The following FOXP2 variants were observed in gnomAD, a reference collection of about 807,000 sequenced individuals.
The protein encoded by FOXP2 is forkhead box protein P2.
In FOXP2, 12 loss-of-function variants were observed where a neutral mutation model predicts 115.8. The ratio of observed to expected loss-of-function variants is 0.10; its 90% CI spans 0.07 to 0.17. FOXP2 has a LOEUF of 0.17. FOXP2 is among the 10% of genes least tolerant of loss of function. The pLI is 1.00. For missense variants in FOXP2, 629 were observed against 843.5 expected (o/e 0.75, Z 3.15); for synonymous variants, 328 against 297.7 (o/e 1.10, Z -1.05).
intron 2 of FOXP2, among the ~76,000 whole-genome samples, chr7:114,374,146 C>T (rs2129190117): frequency 6.6e-6 from 1 of 152,154 alleles, no homozygotes; most frequent in Admixed American, 6.5e-5. Context: ...CTTTCATATG[C>T]CAGGCAAATT....
intron 2 of FOXP2, among the ~76,000 whole-genome samples, chr7:114,318,109 G>GA (rs1455777917): frequency 5.9e-5 from 9 of 152,146 alleles, no homozygotes; most frequent in Admixed American, 2.0e-4. Context: ...TTTCTCATTA[G>GA]AAAAAATTCT....
rs886204094 is a variant in FOXP2, at chr7:114,164,712, C to T, written c.-102+1624C>T. 3.3e-5 allele frequency among the ~76,000 whole-genome samples: 5 copies of T among 152,260 alleles called. 1 individual carries two copies. The highest frequency in any genetic ancestry group is 3.3e-4 in the Admixed American group (5 of 15,282). On this transcript the variant is annotated intron_variant, in intron 1 of 17. Transcript: ENST00000634411. ...ATACTACAAACCTTACCATTCTTTT[C>T]ACTAACGTGAAACAGCTTTTCTTCT... is the stretch of plus-strand genomic sequence containing the variant.
intron 2 of FOXP2, among the ~76,000 whole-genome samples, chr7:114,402,092 A>G (rs569459002): frequency 6.6e-6 from 1 of 152,342 alleles, no homozygotes; most frequent in African/African-American, 2.4e-5. Flanking sequence ...ACTGCACTCC[A>G]GCCTATGCAA....
intron 2 of FOXP2, among the ~76,000 whole-genome samples, chr7:114,436,448 G>A (rs1368349262): frequency 1.3e-5 from 2 of 149,574 alleles, no homozygotes; most frequent in Non-Finnish European, 3.0e-5. Context: ...GTCTAGCAAA[G>A]TGCCTAAATA....
chr7:114,666,451 G>C (rs2129343665), intron 16 of FOXP2: 1 of 152,134 alleles, frequency 6.6e-6, no homozygotes, highest in East Asian at 1.9e-4. Context: ...AAAGTTCTAA[G>C]ATGCTTGTAC....
chr7:114,228,421 G>A lies in FOXP2; in HGVS notation c.-101-59598G>A, dbSNP rs527596929. The stretch of plus-strand genomic sequence containing the variant: ...TGAAAGAAGACAGGGAATCCCATAA[G>A]GCACAGGGTTTAATAGTGGTGCCTT... On this transcript the variant is annotated intron_variant, in intron 1 of 17. Coordinates refer to the FOXP2 transcript ENST00000634411. Among the ~76,000 whole-genome samples the A allele has an allele frequency of 2.6e-5, 4 of 152,082 alleles. No individual in the cohort carries two copies. The South Asian group carries it at 8.3e-4, about 31-fold the overall frequency.
intron 2 of FOXP2, among the ~76,000 whole-genome samples, chr7:114,467,600 C>T (rs1237110599): frequency 1.3e-5 from 2 of 152,148 alleles, no homozygotes; most frequent in Non-Finnish European, 2.9e-5. Flanking sequence ...TTACTGCCTT[C>T]CCGGTTGTTG....
At chr7:114,584,147 C>A (rs1802007411) in intron 3 of FOXP2, among the ~76,000 whole-genome samples, 1 of 152,090 alleles carries the variant, frequency 6.6e-6, no homozygotes, top group South Asian at 2.1e-4. Flanking sequence ...AGTCAAGATC[C>A]AAACTCAGGG....
intron 1 of FOXP2, among the ~76,000 whole-genome samples, chr7:114,187,002 C>A (rs929495277): frequency 1.3e-5 from 2 of 152,174 alleles, no homozygotes; most frequent in African/African-American, 4.8e-5. Context: ...TGCCGTCAAG[C>A]ATGTGATGGG....
At chr7:114,558,109 G>A (rs971210131) in intron 3 of FOXP2, among the ~76,000 whole-genome samples, 15 of 152,022 alleles carry the variant, frequency 9.9e-5, no homozygotes, top group African/African-American at 3.4e-4. Context: ...ACCCAGCCCT[G>A]ACTTTTAATA....
At chr7:114,665,504 G>T (rs1256414602) in intron 16 of FOXP2, 1 of 151,792 alleles carries the variant, frequency 6.6e-6, no homozygotes, top group Non-Finnish European at 1.5e-5. Flanking sequence ...CTTTCACAGG[G>T]TATTATTTTT....
At chr7:114,323,702 G>T (rs1424764455) in intron 2 of FOXP2, among the ~76,000 whole-genome samples, 4 of 151,746 alleles carry the variant, frequency 2.6e-5, no homozygotes, top group Non-Finnish European at 5.9e-5. Context: ...CTTGGAAGTT[G>T]GTTTTATTTA....
upstream of FOXP2, among the ~76,000 whole-genome samples, chr7:114,161,047 C>G (rs1443343373): frequency 6.6e-6 from 1 of 152,086 alleles, no homozygotes; most frequent in Non-Finnish European, 1.5e-5. Context: ...AAAAGCTTCC[C>G]TAAAGGAATG....
intron 1 of FOXP2, among the ~76,000 whole-genome samples, chr7:114,114,428 T>G (rs923301206): frequency 6.6e-6 from 1 of 152,060 alleles, no homozygotes; most frequent in African/African-American, 2.4e-5. Context: ...ACAGATTTTC[T>G]GAAGCATCAC....
chr7:114,441,648 C>T (rs142482037), intron 2 of FOXP2, among the ~76,000 whole-genome samples: 51 of 152,146 alleles, frequency 3.4e-4, no homozygotes, highest in African/African-American at 1.1e-3. Flanking sequence ...ATATAAAGAG[C>T]ACTTACAACT....
At chr7:114,667,816 C>T (rs931349714) in intron 16 of FOXP2, 1 of 152,034 alleles carries the variant, frequency 6.6e-6, no homozygotes, top group Non-Finnish European at 1.5e-5. Flanking sequence ...TGAACCATGA[C>T]TTAATGAAAC....
At chr7:114,104,738 A>C (rs537094280) in intron 1 of FOXP2, among the ~76,000 whole-genome samples, 1 of 151,986 alleles carries the variant, frequency 6.6e-6, no homozygotes, top group African/African-American at 2.4e-5. Flanking sequence ...CAAAATGCCT[A>C]AGTAAATTAT....
chr7:114,626,290 A>G (rs1411408221), intron 3 of FOXP2, among the ~76,000 whole-genome samples: 1 of 151,836 alleles, frequency 6.6e-6, no homozygotes, highest in East Asian at 1.9e-4. Flanking sequence ...AACAAACTCT[A>G]CAGTCATATT....
At chr7:114,334,238 G>T (rs1797784541) in intron 2 of FOXP2, among the ~76,000 whole-genome samples, 1 of 152,024 alleles carries the variant, frequency 6.6e-6, no homozygotes, top group Non-Finnish European at 1.5e-5. Flanking sequence ...TCCATTCATT[G>T]CATGCTGTAT....
Sources: allele counts gnomAD v4.1 joint callset (sites outside exome capture counted in the v4.1 genomes callset), GRCh38; gene constraint gnomAD v4.1.1; transcripts MANE v1.5; gene names NCBI Gene and HGNC (gene_info 2026-07-23, HGNC 2026-07-21).